The following PRPF40B variants were observed in gnomAD, a reference collection of about 807,000 sequenced individuals.
The protein encoded by PRPF40B is pre-mRNA-processing factor 40 homolog B.
Under a neutral mutation model 124.5 loss-of-function variants are expected in PRPF40B, and 56 were observed. That is an observed-to-expected ratio of 0.45 (90% confidence interval 0.36 to 0.56). The LOEUF is 0.56. Among genes scored for constraint, PRPF40B ranks in the 20% least tolerant of loss-of-function variants. The pLI is 0.00. For missense variants in PRPF40B, 1,053 were observed against 1,169.5 expected (o/e 0.90, Z 1.45); for synonymous variants, 443 against 426.4 (o/e 1.04, Z -0.48).
At chr12:49,637,428 TC>T in intron 16 of PRPF40B, 41 bp from the exon 17 acceptor site, 1 of 1,417,316 alleles carries the variant, frequency 7.1e-7, no homozygotes. Flanking sequence ...TGGCTCTGCC[TC>T]CCTGTCTCAC....
rs747722193 is a variant in PRPF40B, at chr12:49,633,000, C to G, written c.349-14C>G. ...GGGCCTTGACCACCATTCTGTGCCCCCCCCCCCACCCAGAGGGCCCTATGG... is the reference window on the plus strand; with the variant it reads ...GGGCCTTGACCACCATTCTGTGCCCGCCCCCCCACCCAGAGGGCCCTATGG... On this transcript the variant is annotated splice_polypyrimidine_tract_variant and intron_variant, in intron 6 of 25. Coordinates refer to ENST00000548825, the MANE Select transcript of PRPF40B (RefSeq NM_001031698.3). 22 of 509,794 alleles carry G rather than the reference C, an allele frequency of 4.3e-5. No homozygotes were observed. The highest frequency in any genetic ancestry group is 1.8e-4 in the East Asian group (3 of 16,622). 31.6% of individuals were successfully genotyped at this position (509,794 alleles called of 1,614,324 possible). A position where few individuals can be genotyped will look rare whatever the true frequency, so the allele number is the denominator to read the frequency against.
chr12:49,642,853 C>A lies in PRPF40B; in HGVS notation c.2119-77C>A. On this transcript the variant is annotated intron_variant, in intron 21 of 25. Transcript: ENST00000548825. This position sits in a 1 kb window ranked among gnomAD's most constrained non-coding sequence, Gnocchi z 5.8. ...TCTAGTCTGAGAAAGGGAGGCAAAG[C>A]CAGATTTTAGGAAGTAGGATCCTTC... 6.6e-7 allele frequency: 1 copy of A among 1,514,302 alleles called. No individual in the cohort carries two copies. The highest frequency in any genetic ancestry group is 1.2e-5 in the South Asian group (1 of 83,284). 93.8% of individuals were successfully genotyped at this position (1,514,302 alleles called of 1,614,324 possible).
chr12:49,625,231 CCAT>C lies in PRPF40B; in HGVS notation c.3+1643_3+1645del, dbSNP rs1337090561. Among the ~76,000 whole-genome samples, 3 of 152,300 alleles carry C rather than the reference CCAT, an allele frequency of 2.0e-5. No individual in the cohort carries two copies. The East Asian group carries it at 5.8e-4, about 29-fold the overall frequency. ...AATGTAAGCAGTATCATCTGTGGCG[CCAT>C]CATCCTTGCTGGGAGGCAGCTTTGT... is the stretch of plus-strand genomic sequence containing the variant. On this transcript the variant is annotated intron_variant, in intron 1 of 25. Coordinates refer to ENST00000548825, the MANE Select transcript of PRPF40B (RefSeq NM_001031698.3).
chr12:49,634,621 A>G lies in PRPF40B; in HGVS notation c.1001+19A>G. The stretch of plus-strand genomic sequence containing the variant: ...GTTACAGGTAGGCCTGGGCAGAGGG[A>G]GCCAGGCCCTGTTCATGAGAGCAGC... On this transcript the variant is annotated intron_variant, in intron 12 of 25. Coordinates refer to ENST00000548825, the MANE Select transcript of PRPF40B (RefSeq NM_001031698.3). The G allele has an allele frequency of 6.2e-7, 1 of 1,613,888 alleles. No individual in the cohort carries two copies. Among genetic ancestry groups the G allele is most frequent in the Non-Finnish European group, 8.5e-7 (1 of 1,179,844 alleles).
chr12:49,637,629 T>G (rs373466048), intron 17 of PRPF40B, 45 bp downstream of exon 17: 1 of 1,583,950 alleles, frequency 6.3e-7, no homozygotes, highest in Admixed American at 1.7e-5. Flanking sequence ...CTTCCTGCCC[T>G]GCCAGCCTCT....
In PRPF40B at chr12:49,631,764, C is replaced by G. The variant is rs1051136376; in HGVS notation, c.229-96C>G. The G allele has an allele frequency of 8.8e-5, 117 of 1,335,774 alleles. No individual in the cohort carries two copies. The highest frequency in any genetic ancestry group is 1.2e-4 in the Non-Finnish European group (108 of 928,290). 82.7% of individuals were successfully genotyped at this position (1,335,774 alleles called of 1,614,324 possible). A position where few individuals can be genotyped will look rare whatever the true frequency, so the allele number is the denominator to read the frequency against. On this transcript the variant is annotated intron_variant, in intron 3 of 25. Coordinates refer to ENST00000548825, the MANE Select transcript of PRPF40B (RefSeq NM_001031698.3). This position sits in a 1 kb window ranked among gnomAD's most constrained non-coding sequence, Gnocchi z 4.3. ...GGAAGTGCCCAAGTGAGGGTCATGG[C>G]TCCAGTGAGATGTCTCAGGACCCTT...
At position 49,631,559 on chromosome 12, in the gene PRPF40B, TC is replaced by T; in HGVS notation, c.228+19del. 6.5e-7 allele frequency: 1 copy of T among 1,545,102 alleles called. No individual in the cohort carries two copies. The highest frequency in any genetic ancestry group is 8.7e-7 in the Non-Finnish European group (1 of 1,150,640). Reference sequence around the variant, plus strand: ...CACTCACACAGGTAATTGTCTCTCCTCCCCTGGGGCCTCAGAAAACCCTGTC... The same window carrying T: ...CACTCACACAGGTAATTGTCTCTCCTCCCTGGGGCCTCAGAAAACCCTGTC... On this transcript the variant is annotated intron_variant, in intron 3 of 25. Transcript: ENST00000548825. This position sits in a 1 kb window ranked among gnomAD's most constrained non-coding sequence, Gnocchi z 4.3.
rs1465527164 is a variant in PRPF40B, at chr12:49,643,896, A to G, written c.2478A>G (p.Lys826=). ...AGAGTGAGACAGACCCTGAGGAGAA[A>G]GCTGGCAAGGAGAGCGATGAGAAAG... The part of the protein sequence containing the change: ...SPESETDPEE[K]AGKESDEKEQ... The change falls in exon 25 of 26, where the codon AAA becomes AAG. Residue 826 remains lysine (K), a synonymous_variant. Transcript: ENST00000548825. The G allele has an allele frequency of 6.2e-7, 1 of 1,614,212 alleles. No individual in the cohort carries two copies. Among genetic ancestry groups the G allele is most frequent in the Admixed American group, 1.7e-5 (1 of 60,032 alleles).
At chr12:49,626,116 C>T (rs1940685864) in intron 1 of PRPF40B, among the ~76,000 whole-genome samples, 1 of 152,184 alleles carries the variant, frequency 6.6e-6, no homozygotes, top group Non-Finnish European at 1.5e-5. Flanking sequence ...AAGACTTCTG[C>T]CAAGCTACCT....
rs1358761008 is a variant in PRPF40B, at chr12:49,642,454, G to T, written c.2022+82G>T. ...ACCACTGAGGGCCCACCCCAGTCAC[G>T]TCACAGCCCTGGGCCAGCTCCAGTT... is the stretch of plus-strand genomic sequence containing the variant. On this transcript the variant is annotated intron_variant, in intron 20 of 25. Transcript: ENST00000548825. This position sits in a 1 kb window ranked among gnomAD's most constrained non-coding sequence, Gnocchi z 5.8. The T allele has an allele frequency of 3.2e-6, 5 of 1,579,008 alleles. No individual in the cohort carries two copies. In the East Asian group the frequency reaches 1.1e-4, roughly 35 times the overall value.
rs1941495318 is a variant in PRPF40B, at chr12:49,633,975, C to T, written c.695C>T (p.Pro232Leu). The T allele has an allele frequency of 6.2e-7, 1 of 1,614,112 alleles. No homozygotes were observed. Among genetic ancestry groups the T allele is most frequent in the African/African-American group, 1.3e-5 (1 of 74,936 alleles). Residue 232 changes from proline (P) to leucine (L), a missense_variant, in exon 10 of 26, where the codon CCA becomes CTA. By Grantham distance (98) the Pro-to-Leu change is moderately conservative. Coordinates refer to ENST00000548825, the MANE Select transcript of PRPF40B (RefSeq NM_001031698.3). ...DPPPVPPGPT[P>L]VPTGLLEPEP... The stretch of plus-strand genomic sequence containing the variant: ...CCACCTGTGCCTCCTGGCCCCACCC[C>T]AGTGCCCACAGGCCTCCTGGAACCT...
At chr12:49,636,354 G>C in intron 15 of PRPF40B, 1 of 400,392 alleles carries the variant, frequency 2.5e-6, no homozygotes, top group Non-Finnish European at 4.6e-6. Context: ...ACTGTTGTTG[G>C]CCTGTAATTA....
Position 49,631,403 on chromosome 12 carries a change from G to GC in PRPF40B, c.92dup (p.Pro32SerfsTer91). 1 of 1,485,950 alleles carries GC rather than the reference G, an allele frequency of 6.7e-7. No individual in the cohort carries two copies. Among genetic ancestry groups the GC allele is most frequent in the Non-Finnish European group, 8.9e-7 (1 of 1,119,780 alleles). 92.0% of individuals were successfully genotyped at this position (1,485,950 alleles called of 1,614,324 possible). On this transcript the variant is annotated frameshift_variant, in exon 3 of 26. Coordinates refer to ENST00000548825, the MANE Select transcript of PRPF40B (RefSeq NM_001031698.3). LOFTEE classifies it high-confidence loss of function. This position sits in a 1 kb window ranked among gnomAD's most constrained non-coding sequence, Gnocchi z 4.3. ...TCTCTTCCTTTACTCATTTCCAGAT[G>GC]CCCCCTCCAGGGATCCCCCCACCCT...
rs1259135068 is a variant in PRPF40B at position 49,633,067 on chromosome 12, T to A, written c.402T>A (p.Asn134Lys). 1 of 1,429,636 alleles carries A rather than the reference T, an allele frequency of 7.0e-7. No homozygotes were observed. Among genetic ancestry groups the A allele is most frequent in the Non-Finnish European group, 9.3e-7 (1 of 1,073,008 alleles). 88.6% of individuals were successfully genotyped at this position (1,429,636 alleles called of 1,614,324 possible). A position where few individuals can be genotyped will look rare whatever the true frequency, so the allele number is the denominator to read the frequency against. Residue 134 changes from asparagine to lysine, a missense_variant, in exon 7 of 26, where the codon AAT becomes AAA. Transcript: ENST00000548825. ...VAPDGRIYYYNADDKQSVWEK... is the reference protein window; with the variant it reads ...VAPDGRIYYYKADDKQSVWEK... ...CAGATGGGCGCATCTACTACTACAA[T>A]GCTGACGACAAGCAGTCCGTGTGGG...
At chr12:49,636,471 G>T in intron 15 of PRPF40B, 1 of 510,444 alleles carries the variant, frequency 2.0e-6, no homozygotes, top group South Asian at 3.3e-5. Context: ...TTCATGTTAT[G>T]GCTTCTAATA....
upstream of PRPF40B, chr12:49,623,516 G>T: frequency 8.1e-7 from 1 of 1,239,262 alleles, no homozygotes; most frequent in South Asian, 3.5e-5. Flanking sequence ...CGCCCTCCCG[G>T]CTGCGGCCTG....
At position 49,641,776 on chromosome 12, in the gene PRPF40B, T is replaced by C. The variant is rs1396829599; in HGVS notation, c.1768-132T>C. 2.0e-5 allele frequency: 14 copies of C among 696,624 alleles called. No homozygotes were observed. The East Asian group carries it at 2.9e-4, about 14-fold the overall frequency. 43.2% of individuals were successfully genotyped at this position (696,624 alleles called of 1,614,324 possible). On this transcript the variant is annotated intron_variant, in intron 18 of 25. Coordinates refer to ENST00000548825, the MANE Select transcript of PRPF40B (RefSeq NM_001031698.3). ...AGGACTTGGATAACTTGGTTTCTAA[T>C]GCAGACCACAGTCCTGTGGATCTCT...
At chr12:49,628,250 TTTG>T (rs770500504) in intron 1 of PRPF40B, among the ~76,000 whole-genome samples, 15 of 151,938 alleles carry the variant, frequency 9.9e-5, no homozygotes, top group Admixed American at 2.6e-4. Context: ...TGAAGGACAG[TTTG>T]TTGTTGTTGT....
chr12:49,635,096 C>A lies in PRPF40B; in HGVS notation c.1002-3C>A, dbSNP rs1376824459. On this transcript the variant is annotated splice_polypyrimidine_tract_variant and splice_region_variant and intron_variant, in intron 12 of 25. Transcript: ENST00000548825. The surrounding 1 kb of genome is among the most constrained non-coding windows in gnomAD (Gnocchi z 4.1). ...CCCACCCCACTCCTACCCTCTATCC[C>A]AGTGCCTTGCCTAAACTGAGTGAGA... 1.2e-6 allele frequency: 2 copies of A among 1,610,896 alleles called. No homozygotes were observed. The highest frequency in any genetic ancestry group is 2.2e-5 in the East Asian group (1 of 44,870).
Sources: allele counts gnomAD v4.1 joint callset (sites outside exome capture counted in the v4.1 genomes callset), GRCh38; gene constraint gnomAD v4.1.1; non-coding constraint Gnocchi (gnomAD v3.1); transcripts MANE v1.5; gene names NCBI Gene and HGNC (gene_info 2026-07-23, HGNC 2026-07-21).